The following METTL15 variants were observed in gnomAD, a reference collection of about 807,000 sequenced individuals.
METTL15 encodes methyltransferase 15, mitochondrial 12S rRNA N4-cytidine.
Under a neutral mutation model 38.3 loss-of-function variants are expected in METTL15, and 34 were observed. The observed-to-expected ratio is 0.89, with a 90% confidence interval of 0.68 to 1.18. METTL15 has a LOEUF of 1.18. Among genes scored for constraint, METTL15 ranks in the 50% most tolerant of loss-of-function variants. The probability of loss-of-function intolerance (pLI) is 0.00; values close to 1 mark genes in which losing one functional copy is unlikely to be tolerated. For missense variants in METTL15, 438 were observed against 498.4 expected (o/e 0.88, Z 1.15); for synonymous variants, 162 against 170.9 (o/e 0.95, Z 0.41).
intron 6 of METTL15, among the ~76,000 whole-genome samples, chr11:28,430,896 G>GT (rs1422875407): frequency 2.4e-5 from 3 of 123,536 alleles, no homozygotes; most frequent in African/African-American, 9.0e-5. Context: ...CGTCCGGGAG[G>GT]GAGGTGGGGG....
chr11:28,320,985 A>C (rs1392051454), intron 6 of METTL15, among the ~76,000 whole-genome samples: 1 of 152,148 alleles, frequency 6.6e-6, no homozygotes, highest in Non-Finnish European at 1.5e-5. Context: ...TTTTAGTCCA[A>C]TACCTAACTT....
intron 3 of METTL15, among the ~76,000 whole-genome samples, chr11:28,152,682 A>G (rs1284015831): frequency 6.6e-6 from 1 of 152,020 alleles, no homozygotes; most frequent in Non-Finnish European, 1.5e-5. Flanking sequence ...CTTATATAAA[A>G]TGATGTCATA....
chr11:28,227,262 A>G (rs544790168), intron 4 of METTL15, among the ~76,000 whole-genome samples: 7 of 151,914 alleles, frequency 4.6e-5, no homozygotes, highest in Non-Finnish European at 1.0e-4. Flanking sequence ...CTGTGACTTC[A>G]TAGAGTTTAC....
chr11:28,142,209 T>TTA (rs1186497035), intron 3 of METTL15, among the ~76,000 whole-genome samples: 1 of 152,114 alleles, frequency 6.6e-6, no homozygotes, highest in Non-Finnish European at 1.5e-5. Flanking sequence ...ATAGAATGAG[T>TTA]GTTACAGTGA....
At chr11:28,203,327 T>C (rs1336894956) in intron 3 of METTL15, among the ~76,000 whole-genome samples, 1 of 152,094 alleles carries the variant, frequency 6.6e-6, no homozygotes, top group Non-Finnish European at 1.5e-5. Context: ...CTAAATCATA[T>C]ACAAAATAAT....
chr11:28,115,153 T>C (rs899722656), intron 3 of METTL15, among the ~76,000 whole-genome samples: 12 of 152,184 alleles, frequency 7.9e-5, no homozygotes, highest in Admixed American at 7.9e-4. Context: ...GAGTTGAAAA[T>C]CCATGTATAA....
chr11:28,208,163 G>C (rs1565166883), intron 3 of METTL15, among the ~76,000 whole-genome samples: 1 of 152,046 alleles, frequency 6.6e-6, no homozygotes, highest in East Asian at 1.9e-4. Context: ...TTTTGAATGT[G>C]TTTGCTCTTG....
At chr11:28,396,880 T>C (rs1434951094) in intron 5 of METTL15, among the ~76,000 whole-genome samples, 4 of 152,172 alleles carry the variant, frequency 2.6e-5, no homozygotes, top group Admixed American at 2.6e-4. Context: ...ATGGTACTGG[T>C]ACAACAACAG....
chr11:28,415,566 G>A (rs953211839), intron 5 of METTL15, among the ~76,000 whole-genome samples: 2 of 152,170 alleles, frequency 1.3e-5, no homozygotes, highest in Non-Finnish European at 2.9e-5. Context: ...CACAACTGGT[G>A]AGTGTTAGAG....
intron 5 of METTL15, among the ~76,000 whole-genome samples, chr11:28,396,347 A>G (rs1473539074): frequency 1.3e-5 from 2 of 152,124 alleles, no homozygotes; most frequent in Admixed American, 1.3e-4. Flanking sequence ...AGAAAACCCC[A>G]TTGTCTCAGC....
intron 4 of METTL15, among the ~76,000 whole-genome samples, chr11:28,359,368 G>A (rs930155613): frequency 2.0e-4 from 30 of 152,182 alleles, no homozygotes; most frequent in African/African-American, 6.3e-4. Flanking sequence ...TGTCTAGACA[G>A]TGCTGCAGTG....
intron 6 of METTL15, among the ~76,000 whole-genome samples, chr11:28,305,825 G>T (rs1857065171): frequency 6.6e-6 from 1 of 152,074 alleles, no homozygotes; most frequent in Non-Finnish European, 1.5e-5. Context: ...TATAGACAAG[G>T]AGACCTTTGA....
intron 6 of METTL15, among the ~76,000 whole-genome samples, chr11:28,511,653 G>A (rs1851675283): frequency 6.6e-6 from 1 of 152,168 alleles, no homozygotes; most frequent in Non-Finnish European, 1.5e-5. Flanking sequence ...CTCTGGAGTT[G>A]TTCGTTCCTC....
intron 4 of METTL15, among the ~76,000 whole-genome samples, chr11:28,280,454 A>T (rs894580608): frequency 2.6e-5 from 4 of 151,772 alleles, no homozygotes; most frequent in African/African-American, 9.7e-5. Flanking sequence ...TTCACATTTT[A>T]CTATGATGGT....
intron 5 of METTL15, among the ~76,000 whole-genome samples, chr11:28,415,606 C>T (rs1308818868): frequency 6.6e-6 from 1 of 152,156 alleles, no homozygotes; most frequent in African/African-American, 2.4e-5. Flanking sequence ...TCTCATTCAA[C>T]CTTCAGTACT....
At chr11:28,524,102 A>G (rs1292638357) in intron 6 of METTL15, among the ~76,000 whole-genome samples, 1 of 152,252 alleles carries the variant, frequency 6.6e-6, no homozygotes, top group Admixed American at 6.5e-5. Context: ...ATTGGTTTTC[A>G]TTTCCACTTT....
At chr11:28,226,524 G>C in intron 4 of METTL15, among the ~76,000 whole-genome samples, 1 of 151,794 alleles carries the variant, frequency 6.6e-6, no homozygotes, top group East Asian at 1.9e-4. Flanking sequence ...TTATTTTCTA[G>C]CACTTGAAGT....
At chr11:28,327,855 C>G (rs1415374411) in intron 6 of METTL15, 4 of 376,152 alleles carry the variant, frequency 1.1e-5, no homozygotes, top group Non-Finnish European at 1.9e-5. Context: ...AGTATGCAAA[C>G]ATTTATTGAG....
chr11:28,201,905 T>C (rs1188903000), intron 3 of METTL15, among the ~76,000 whole-genome samples: 16 of 152,138 alleles, frequency 1.1e-4, no homozygotes. Context: ...TCACATATTC[T>C]GTATGGCTAG....
Sources: gnomAD v4.1 joint callset for allele counts (sites outside exome capture counted in the v4.1 genomes callset) on GRCh38, gnomAD v4.1.1 for gene constraint, MANE v1.5 for transcripts, NCBI Gene and HGNC (gene_info 2026-07-23, HGNC 2026-07-21) for gene names.